NTM: variants seen among roughly 807,000 people sequenced by gnomAD.
The protein encoded by NTM is IgLON family member 2.
In NTM, 13 loss-of-function variants were observed where a neutral mutation model predicts 42.1. That is an observed-to-expected ratio of 0.31 (90% CI 0.20 to 0.49). The LOEUF is 0.49. Among genes scored for constraint, NTM ranks in the 20% least tolerant of loss-of-function variants. The probability of loss-of-function intolerance (pLI) is 0.99; values close to 1 mark genes in which losing one functional copy is unlikely to be tolerated. For missense variants in NTM, 373 were observed against 452.8 expected, an observed-to-expected ratio of 0.82 and a Z score of 1.60; for synonymous variants, 187 against 179.2, an observed-to-expected ratio of 1.04 and a Z score of -0.35.
Position 131,848,357 on chromosome 11 carries a change from C to T in NTM, c.83-63207C>T, listed in dbSNP as rs192767782. Among the ~76,000 whole-genome samples, 7 of 152,254 alleles carry T rather than the reference C, an allele frequency of 4.6e-5. No homozygotes were observed. The East Asian group carries it at 1.2e-3, about 25-fold the overall frequency. ...ATTTTTCTTATTAGATAGTTGATCC[C>T]GTTTTCTTCTCATCTGATAAGGTTA... is the stretch of plus-strand genomic sequence containing the variant. On this transcript the variant is annotated intron_variant, in intron 1 of 8. Coordinates refer to ENST00000683400, the MANE Select transcript of NTM (RefSeq NM_001352005.2).
chr11:131,632,166 C>G (rs1166912988), intron 1 of NTM, among the ~76,000 whole-genome samples: 1 of 152,088 alleles, frequency 6.6e-6, no homozygotes, highest in African/African-American at 2.4e-5. Context: ...TGCTGAAGCT[C>G]TTTGTGTCAG....
At chr11:131,854,509 A>C (rs2136877386) in intron 1 of NTM, among the ~76,000 whole-genome samples, 1 of 152,334 alleles carries the variant, frequency 6.6e-6, no homozygotes, top group African/African-American at 2.4e-5. Context: ...TGCAAAAAGC[A>C]GAAGGAAATG....
At chr11:131,380,552 T>C (rs950447970) in intron 1 of NTM, among the ~76,000 whole-genome samples, 2 of 152,114 alleles carry the variant, frequency 1.3e-5, no homozygotes, top group African/African-American at 4.8e-5. Flanking sequence ...TTGCACTTTT[T>C]CTTACCTTTA....
intron 2 of NTM, among the ~76,000 whole-genome samples, chr11:132,033,273 T>G (rs554708639): frequency 2.6e-5 from 4 of 152,270 alleles, no homozygotes; most frequent in South Asian, 4.1e-4. Flanking sequence ...TTTCAGGCAA[T>G]GTAAGGTTTT....
chr11:132,293,003 A>T (rs1296116241), intron 4 of NTM, among the ~76,000 whole-genome samples: 1 of 152,136 alleles, frequency 6.6e-6, no homozygotes, highest in Non-Finnish European at 1.5e-5. Context: ...CACAGAAGAC[A>T]GCAGAGCAAA....
intron 1 of NTM, among the ~76,000 whole-genome samples, chr11:131,377,765 C>T (rs915558234): frequency 1.3e-5 from 2 of 152,224 alleles, no homozygotes; most frequent in African/African-American, 4.8e-5. Flanking sequence ...GGTAACAAAG[C>T]TGCTCTGGCA....
intron 1 of NTM, among the ~76,000 whole-genome samples, chr11:131,472,913 C>T (rs1360734848): frequency 6.6e-6 from 1 of 152,054 alleles, no homozygotes; most frequent in African/African-American, 2.4e-5. Flanking sequence ...CTTCAAGCTG[C>T]TTGTATACCA....
intron 4 of NTM, among the ~76,000 whole-genome samples, chr11:132,212,442 A>G (rs976959573): frequency 7.2e-5 from 11 of 152,164 alleles, no homozygotes; most frequent in African/African-American, 2.7e-4. Context: ...ATGTTGTTTG[A>G]TGATGGAACA....
chr11:131,812,026 C>T (rs973254742), intron 1 of NTM, among the ~76,000 whole-genome samples: 36 of 152,298 alleles, frequency 2.4e-4, no homozygotes, highest in Non-Finnish European at 4.7e-4. Context: ...AGACATTCCA[C>T]GGCTTTTATC....
At chr11:131,437,346 C>T (rs978962512) in intron 1 of NTM, among the ~76,000 whole-genome samples, 2 of 152,036 alleles carry the variant, frequency 1.3e-5, no homozygotes, top group Non-Finnish European at 1.5e-5. Context: ...CCTTGTTAAC[C>T]TTCTGTCTCG....
In NTM at chr11:131,754,494, G is replaced by A. The variant is rs139714230; in HGVS notation, c.83-157070G>A. ...ACAAAAATTAGCTGGGCATAGTGGC[G>A]CATATCTGTAATCCCAGCTACTTGG... On this transcript the variant is annotated intron_variant, in intron 1 of 8. Coordinates refer to ENST00000683400, the MANE Select transcript of NTM (RefSeq NM_001352005.2). Among the ~76,000 whole-genome samples the A allele has an allele frequency of 1.0e-3, 155 of 152,010 alleles. 3 individuals carry two copies. In the East Asian group the frequency reaches 0.018, roughly 18 times the overall value.
chr11:131,769,943 C>A (rs2085774785), intron 1 of NTM, among the ~76,000 whole-genome samples: 1 of 152,164 alleles, frequency 6.6e-6, no homozygotes, highest in Non-Finnish European at 1.5e-5. Context: ...CTGCTCGCCA[C>A]CTTTTGCCTG....
rs563566737 is a variant in NTM, at chr11:132,231,471, CAATTAGCAGCCTCCAATTTG to C, written c.526+19325_526+19344del. 2.4e-4 allele frequency among the ~76,000 whole-genome samples: 36 copies of C among 152,254 alleles called. No individual in the cohort carries two copies. The East Asian group carries it at 6.8e-3, about 29-fold the overall frequency. ...TTTTACAGGTAAAAGGGTAAATTTA[CAATTAGCAGCCTCCAATTTG>C]CATAGACACAGAAGTTTTATTAAGG... is the stretch of plus-strand genomic sequence containing the variant. On this transcript the variant is annotated intron_variant, in intron 4 of 8. Coordinates refer to ENST00000683400, the MANE Select transcript of NTM (RefSeq NM_001352005.2).
At chr11:131,404,067 T>C (rs1424518637) in intron 1 of NTM, among the ~76,000 whole-genome samples, 1 of 152,084 alleles carries the variant, frequency 6.6e-6, no homozygotes, top group Admixed American at 6.5e-5. Flanking sequence ...AACTGCAACA[T>C]CAACAATCTC....
At chr11:131,442,583 C>G (rs546104295) in intron 1 of NTM, among the ~76,000 whole-genome samples, 22 of 152,228 alleles carry the variant, frequency 1.4e-4, no homozygotes, top group African/African-American at 2.4e-5. Context: ...ATCTTCCCCC[C>G]TTTTGGAGTC....
intron 2 of NTM, among the ~76,000 whole-genome samples, chr11:132,040,020 G>A (rs2076986959): frequency 6.6e-6 from 1 of 151,942 alleles, no homozygotes; most frequent in South Asian, 2.1e-4. Flanking sequence ...TGCCTCCCAG[G>A]TTCAAGCAAT....
intron 2 of NTM, among the ~76,000 whole-genome samples, chr11:132,142,220 G>C (rs917048639): frequency 1.3e-5 from 2 of 152,180 alleles, no homozygotes; most frequent in African/African-American, 4.8e-5. Context: ...ACATTGACTT[G>C]TGACTATTCC....
intron 2 of NTM, among the ~76,000 whole-genome samples, chr11:132,115,091 C>G (rs2063708051): frequency 6.6e-6 from 1 of 152,108 alleles, no homozygotes; most frequent in African/African-American, 2.4e-5. Context: ...ATATGTTGAT[C>G]TAGAAAAATC....
chr11:132,193,456 C>T (rs956192277), intron 3 of NTM, among the ~76,000 whole-genome samples: 14 of 151,486 alleles, frequency 9.2e-5, no homozygotes, highest in Non-Finnish European at 1.3e-4. Flanking sequence ...AAACAATTTT[C>T]GAAACTAACA....
Sources: gnomAD v4.1 joint callset for allele counts (sites outside exome capture counted in the v4.1 genomes callset) on GRCh38, gnomAD v4.1.1 for gene constraint, MANE v1.5 for transcripts, NCBI Gene and HGNC (gene_info 2026-07-23, HGNC 2026-07-21) for gene names.